The following DSCAML1 variants were observed in gnomAD, a reference collection of about 807,000 sequenced individuals.
DSCAML1 encodes cell adhesion molecule DSCAML1.
In DSCAML1, 38 loss-of-function variants were observed where a neutral mutation model predicts 200.5. The ratio of observed to expected loss-of-function variants is 0.19; its 90% confidence interval spans 0.15 to 0.25. DSCAML1 has a LOEUF of 0.25. DSCAML1 is among the 10% of genes least tolerant of loss of function. DSCAML1 has a pLI of 1.00. For missense variants in DSCAML1, 2,223 were observed against 2,858.8 expected, an observed-to-expected ratio of 0.78 and a Z score of 5.07; for synonymous variants, 1,215 against 1,165.0, an observed-to-expected ratio of 1.04 and a Z score of -0.87.
chr11:117,554,309 T>A (rs1439250221), intron 3 of DSCAML1, among the ~76,000 whole-genome samples: 1 of 152,220 alleles, frequency 6.6e-6, no homozygotes, highest in East Asian at 1.9e-4. Context: ...TCATGTATAT[T>A]CTACCACAAT....
chr11:117,543,002 C>T (rs1454187357), intron 3 of DSCAML1, among the ~76,000 whole-genome samples: 2 of 152,254 alleles, frequency 1.3e-5, no homozygotes, highest in African/African-American at 2.4e-5. Context: ...GGTTGGTCCC[C>T]TGGCCTCTTC....
intron 3 of DSCAML1, among the ~76,000 whole-genome samples, chr11:117,766,167 G>T (rs1019441889): frequency 6.6e-6 from 1 of 152,176 alleles, no homozygotes; most frequent in Non-Finnish European, 1.5e-5. Flanking sequence ...ACAGGCCTCC[G>T]CACAGAACCG....
chr11:117,499,615 A>T (rs1348707846), intron 11 of DSCAML1, among the ~76,000 whole-genome samples: 1 of 152,176 alleles, frequency 6.6e-6, no homozygotes, highest in African/African-American at 2.4e-5. Context: ...ACGTTCTGAG[A>T]GGGAGCTATT....
intron 3 of DSCAML1, among the ~76,000 whole-genome samples, chr11:117,720,407 A>G (rs939141877): frequency 2.0e-5 from 3 of 152,050 alleles, no homozygotes; most frequent in African/African-American, 7.2e-5. Flanking sequence ...AAAAGCCTGA[A>G]GTGGGGCTGG....
chr11:117,568,235 C>G (rs1170567264), intron 3 of DSCAML1, among the ~76,000 whole-genome samples: 2 of 152,190 alleles, frequency 1.3e-5, no homozygotes, highest in East Asian at 1.9e-4. Flanking sequence ...AAAATAATAA[C>G]AGCTATCTAT....
chr11:117,809,977 ACT>A (rs561676840), intron 1 of DSCAML1, among the ~76,000 whole-genome samples: 12 of 149,074 alleles, frequency 8.0e-5, no homozygotes, highest in Admixed American at 1.4e-4. Context: ...ATTCACACAC[ACT>A]CATACACACA....
intron 1 of DSCAML1, among the ~76,000 whole-genome samples, chr11:117,787,687 C>T (rs1295813800): frequency 6.6e-6 from 1 of 152,332 alleles, no homozygotes; most frequent in South Asian, 2.1e-4. Context: ...CCTACCACCA[C>T]ATTAATTAAC....
intron 4 of DSCAML1, among the ~76,000 whole-genome samples, chr11:117,528,479 G>T (rs1050713508): frequency 4.6e-5 from 7 of 152,222 alleles, no homozygotes; most frequent in African/African-American, 7.2e-5. Context: ...CAGGGCTGGG[G>T]GAGACAGATG....
At chr11:117,587,253 A>ACCCG (rs1555187500) in intron 3 of DSCAML1, among the ~76,000 whole-genome samples, 1 of 137,792 alleles carries the variant, frequency 7.3e-6, no homozygotes, top group Non-Finnish European at 1.5e-5. Context: ...ATTCTTTCCA[A>ACCCG]CCCCCCCCCA....
chr11:117,751,160 C>T (rs988893816), intron 3 of DSCAML1, among the ~76,000 whole-genome samples: 1 of 152,040 alleles, frequency 6.6e-6, no homozygotes, highest in Non-Finnish European at 1.5e-5. Flanking sequence ...ATTATCCGGG[C>T]CCGTAATGAG....
chr11:117,524,130 T>C (rs1008884833), intron 5 of DSCAML1, among the ~76,000 whole-genome samples: 1 of 152,230 alleles, frequency 6.6e-6, no homozygotes, highest in Admixed American at 6.5e-5. Flanking sequence ...CTACCCTCTC[T>C]GCCTGCCTTG....
At chr11:117,752,098 C>G (rs2054615272) in intron 3 of DSCAML1, among the ~76,000 whole-genome samples, 1 of 152,208 alleles carries the variant, frequency 6.6e-6, no homozygotes. Context: ...GGCAGGGTCT[C>G]TCTCCCTAGA....
chr11:117,704,271 A>G (rs1331466710), intron 3 of DSCAML1, among the ~76,000 whole-genome samples: 2 of 152,136 alleles, frequency 1.3e-5, no homozygotes, highest in Non-Finnish European at 2.9e-5. Flanking sequence ...CTTAATTATC[A>G]TTCCTCAGAC....
intron 3 of DSCAML1, among the ~76,000 whole-genome samples, chr11:117,535,195 C>T (rs2050144001): frequency 6.6e-6 from 1 of 152,188 alleles, no homozygotes; most frequent in African/African-American, 2.4e-5. Flanking sequence ...GAGGGAGGCA[C>T]CCCCGTTATA....
intron 3 of DSCAML1, among the ~76,000 whole-genome samples, chr11:117,754,565 A>G (rs965444882): frequency 2.0e-5 from 3 of 152,156 alleles, no homozygotes; most frequent in Admixed American, 2.0e-4. Context: ...ACCACAGGCC[A>G]TGAGGGATCC....
intron 1 of DSCAML1, among the ~76,000 whole-genome samples, chr11:117,782,752 C>A (rs1186071847): frequency 2.0e-5 from 3 of 152,186 alleles, no homozygotes; most frequent in African/African-American, 7.2e-5. Context: ...TGTTAAGCAT[C>A]TTCAATGTGC....
At position 117,780,769 on chromosome 11, in the gene DSCAML1, C is replaced by A; in HGVS notation, c.88G>T (p.Asp30Tyr). 1 of 1,511,276 alleles carries A rather than the reference C, an allele frequency of 6.6e-7. No homozygotes were observed. Among genetic ancestry groups the A allele is most frequent in the Non-Finnish European group, 8.8e-7 (1 of 1,131,854 alleles). 93.6% of individuals were successfully genotyped at this position (1,511,276 alleles called of 1,614,324 possible). The stretch of plus-strand genomic sequence containing the variant: ...GAAAAGGTCACCTGCTGCAAGGAGT[C>A]ATTTACAAAGTAGAGGCTGGTGCCA... Reference protein sequence around the residue: ...DVGTSLYFVNDSLQQVTFSSS... With the variant: ...DVGTSLYFVNYSLQQVTFSSS... The change falls in exon 2 of 33, where the codon GAC becomes TAC. Residue 30 changes from aspartate (D) to tyrosine (Y), a missense_variant. Asp to Tyr is a radical substitution (Grantham distance 160, BLOSUM62 -3). Around this residue, in one of 7 missense-constraint regions of DSCAML1, gnomAD observed 579 missense variants for 721.5 expected, o/e 0.80. Transcript: ENST00000651296. The surrounding 1 kb of genome is among the most constrained non-coding windows in gnomAD (Gnocchi z 4.8).
chr11:117,752,393 A>G (rs910932949), intron 3 of DSCAML1, among the ~76,000 whole-genome samples: 1 of 152,148 alleles, frequency 6.6e-6, no homozygotes, highest in Admixed American at 6.5e-5. Context: ...GGAACACACA[A>G]TTTTAAGTGT....
At chr11:117,814,326 C>T (rs576640760) in intron 1 of DSCAML1, among the ~76,000 whole-genome samples, 1 of 152,332 alleles carries the variant, frequency 6.6e-6, no homozygotes, top group Admixed American at 6.5e-5. Flanking sequence ...CACGGATGCG[C>T]ATGAAACTTA....
Sources: allele counts gnomAD v4.1 joint callset (sites outside exome capture counted in the v4.1 genomes callset), GRCh38; gene constraint gnomAD v4.1.1; regional missense constraint gnomAD v4.1.1; non-coding constraint Gnocchi (gnomAD v3.1); transcripts MANE v1.5; gene names NCBI Gene and HGNC (gene_info 2026-07-23, HGNC 2026-07-21).